FAM13A: variants seen among roughly 807,000 people sequenced by gnomAD.
FAM13A encodes family with sequence similarity 13 member A.
A neutral mutation model predicts 129.6 loss-of-function variants in FAM13A; 76 were observed. That is an observed-to-expected ratio of 0.59 (90% CI 0.49 to 0.71). The LOEUF is 0.71. FAM13A is among the 30% of genes least tolerant of loss of function. The probability of loss-of-function intolerance (pLI) is 0.00; values close to 1 mark genes in which losing one functional copy is unlikely to be tolerated. For missense variants in FAM13A, 1,108 were observed against 1,249.3 expected (o/e 0.89, Z 1.70); for synonymous variants, 443 against 449.9 (o/e 0.98, Z 0.20).
intron 1 of FAM13A, among the ~76,000 whole-genome samples, chr4:89,042,107 G>A (rs983871560): frequency 6.6e-6 from 1 of 151,102 alleles, no homozygotes; most frequent in African/African-American, 2.4e-5. Flanking sequence ...TGAACAAGAT[G>A]TAAATAGACG....
intron 8 of FAM13A, among the ~76,000 whole-genome samples, chr4:88,795,887 A>G (rs920212007): frequency 6.6e-6 from 1 of 151,800 alleles, no homozygotes; most frequent in East Asian, 1.9e-4. Flanking sequence ...AAAAATTATT[A>G]TAACCCTTAC....
chr4:88,948,735 C>A (rs1322819881), intron 4 of FAM13A, among the ~76,000 whole-genome samples: 1 of 152,186 alleles, frequency 6.6e-6, no homozygotes, highest in African/African-American at 2.4e-5. Context: ...ATGATCCAAC[C>A]ACCTCGGCCT....
chr4:89,041,645 G>A (rs996529820), intron 1 of FAM13A, among the ~76,000 whole-genome samples: 2 of 152,162 alleles, frequency 1.3e-5, no homozygotes, highest in African/African-American at 4.8e-5. Context: ...GGCAGGCCGG[G>A]CACGGTGGCT....
At chr4:88,885,825 C>T (rs1330463795) in intron 6 of FAM13A, among the ~76,000 whole-genome samples, 1 of 145,790 alleles carries the variant, frequency 6.9e-6, no homozygotes, top group African/African-American at 2.5e-5. Context: ...AAAAAAAAAT[C>T]ACACAATCCC....
intron 4 of FAM13A, among the ~76,000 whole-genome samples, chr4:88,955,033 C>A (rs897368047): frequency 3.9e-5 from 6 of 152,082 alleles, no homozygotes; most frequent in African/African-American, 1.2e-4. Flanking sequence ...CAAGTCAGGG[C>A]AGTTAAAGAA....
In FAM13A at chr4:89,029,583, G is replaced by A. The variant is rs775895001; in HGVS notation, c.94C>T (p.Gln32Ter). The change falls in exon 2 of 24, where the codon CAG becomes TAG. Residue 32 changes from glutamine to a stop codon, truncating the protein, a stop_gained. Transcript: ENST00000264344. LOFTEE classifies it high-confidence loss of function. ...KKIVAVPLNE[Q>*]KDFTYQKLFG... ...AACTTCTGATAGGTAAAATCCTTCT[G>A]TTCATTTAATGGCACTGCCACTATC... 4.4e-6 allele frequency: 7 copies of A among 1,590,390 alleles called. No homozygotes were observed. The Admixed American group carries it at 5.6e-5, about 13-fold the overall frequency.
chr4:88,928,871 A>C (rs538036557), intron 5 of FAM13A, among the ~76,000 whole-genome samples: 225 of 152,088 alleles, frequency 1.5e-3, no homozygotes, highest in Non-Finnish European at 2.7e-3. Flanking sequence ...ATTGTTTTAT[A>C]AATTCTTTGT....
chr4:88,748,830 G>C, intron 17 of FAM13A, 122 bp downstream of exon 17: 1 of 771,466 alleles, frequency 1.3e-6, no homozygotes, highest in Non-Finnish European at 2.3e-6. Flanking sequence ...ATAGCTGAGA[G>C]TGCTGGGAAG....
rs180908512 is a variant in FAM13A, at chr4:89,053,336, T to C, written c.27+3602A>G. 3.3e-4 allele frequency among the ~76,000 whole-genome samples: 51 copies of C among 152,272 alleles called. No homozygotes were observed. In the East Asian group the frequency reaches 8.1e-3, roughly 24 times the overall value. On this transcript the variant is annotated intron_variant, in intron 1 of 23. Coordinates refer to ENST00000264344, the MANE Select transcript of FAM13A (RefSeq NM_014883.4). ...ACAGAAGGCAAGAGCAACAGGACAT[T>C]TGAACGTTAAATAACACAGAATTCA...
At chr4:88,999,399 T>C (rs1763961753) in intron 3 of FAM13A, among the ~76,000 whole-genome samples, 1 of 152,204 alleles carries the variant, frequency 6.6e-6, no homozygotes, top group African/African-American at 2.4e-5. Context: ...AGAATTTATG[T>C]ACCGAGGAGA....
intron 6 of FAM13A, among the ~76,000 whole-genome samples, chr4:88,881,720 C>CA (rs1491563440): frequency 2.7e-5 from 4 of 150,806 alleles, no homozygotes; most frequent in Non-Finnish European, 4.4e-5. Flanking sequence ...CTTAATGAAA[C>CA]AAAAAAAATG....
chr4:89,013,872 TAG>T (rs1766086849), intron 3 of FAM13A, among the ~76,000 whole-genome samples: 1 of 152,266 alleles, frequency 6.6e-6, no homozygotes, highest in East Asian at 1.9e-4. Flanking sequence ...ACTGTCTATG[TAG>T]AGTTTGTGCC....
chr4:88,907,457 C>T (rs942296056), intron 5 of FAM13A, among the ~76,000 whole-genome samples: 1 of 152,084 alleles, frequency 6.6e-6, no homozygotes, highest in South Asian at 2.1e-4. Flanking sequence ...ATTTGCTAGA[C>T]TTATATTCAT....
chr4:88,869,144 C>T (rs954821825), intron 6 of FAM13A, among the ~76,000 whole-genome samples: 1 of 152,202 alleles, frequency 6.6e-6, no homozygotes, highest in African/African-American at 2.4e-5. Flanking sequence ...TTGTCTTCAT[C>T]CATTCCAGCC....
chr4:88,879,419 C>T (rs1042450960), intron 6 of FAM13A, among the ~76,000 whole-genome samples: 2 of 152,120 alleles, frequency 1.3e-5, no homozygotes, highest in Non-Finnish European at 2.9e-5. Flanking sequence ...TCAAATATAT[C>T]TGATATGTAT....
intron 4 of FAM13A, among the ~76,000 whole-genome samples, chr4:88,962,642 CAA>C (rs1758786776): frequency 6.6e-6 from 1 of 152,104 alleles, no homozygotes; most frequent in Non-Finnish European, 1.5e-5. Flanking sequence ...TGTGTCAACT[CAA>C]AGAGTCATCT....
intron 19 of FAM13A, among the ~76,000 whole-genome samples, chr4:88,740,252 A>G (rs1005225125): frequency 6.6e-6 from 1 of 152,162 alleles, no homozygotes; most frequent in Non-Finnish European, 1.5e-5. Flanking sequence ...CTCCTTTGTG[A>G]AATCACCACC....
chr4:88,739,175 A>G (rs2149424454), intron 19 of FAM13A, 50 bp from the exon 20 acceptor site: 3 of 1,255,670 alleles, frequency 2.4e-6, no homozygotes, highest in Middle Eastern at 4.0e-4. Flanking sequence ...GGGAGTCACA[A>G]CCAGCTGTCT....
chr4:88,920,707 C>G (rs903302141), intron 5 of FAM13A, among the ~76,000 whole-genome samples: 1 of 152,178 alleles, frequency 6.6e-6, no homozygotes, highest in Non-Finnish European at 1.5e-5. Context: ...CGGAGAACAA[C>G]TTTGACGAGT....
Sources: gnomAD v4.1 joint callset for allele counts (sites outside exome capture counted in the v4.1 genomes callset) on GRCh38, gnomAD v4.1.1 for gene constraint, MANE v1.5 for transcripts, NCBI Gene and HGNC (gene_info 2026-07-23, HGNC 2026-07-21) for gene names.